MMEL1: variants seen among roughly 807,000 people sequenced by gnomAD.
MMEL1 encodes the protein membrane metallo-endopeptidase-like 1.
MMEL1 carries 98 observed loss-of-function variants against 117.1 expected under a neutral mutation model. The observed-to-expected ratio is 0.84, with a 90% CI of 0.71 to 0.99. The LOEUF is 0.99. Among genes scored for constraint, MMEL1 ranks in the 50% least tolerant of loss-of-function variants. The pLI, the probability that MMEL1 is intolerant of heterozygous loss-of-function variation, is 0.00. For synonymous variants in MMEL1, 390 were observed against 415.1 expected (o/e 0.94, Z 0.74); for missense variants, 1,014 against 1,049.1 (o/e 0.97, Z 0.46).
intron 11 of MMEL1, 43 bp from the exon 12 acceptor site, chr1:2,598,833 G>C: frequency 4.6e-6 from 7 of 1,520,650 alleles, no homozygotes; most frequent in African/African-American, 1.4e-5. Flanking sequence ...GAGAGAGAGA[G>C]GGAGAAACAG....
intron 9 of MMEL1, 60 bp downstream of exon 9, chr1:2,605,498 A>G: frequency 6.7e-7 from 1 of 1,488,438 alleles, no homozygotes; most frequent in South Asian, 1.2e-5. Context: ...CGGGAAGGCC[A>G]GACCACGGGG....
chr1:2,622,587 T>C (rs1034745950), intron 2 of MMEL1, among the ~76,000 whole-genome samples: 1 of 152,168 alleles, frequency 6.6e-6, no homozygotes, highest in African/African-American at 2.4e-5. Context: ...AAAAGTAAGA[T>C]AGAAACCAAA....
At chr1:2,604,122 T>TGCCCC in intron 10 of MMEL1, 25 bp downstream of exon 10, 158 of 1,357,406 alleles carry the variant, frequency 1.2e-4, no homozygotes, top group Middle Eastern at 3.9e-4. Context: ...CGCTGCCCGC[T>TGCCCC]CCCCACCCGC....
chr1:2,592,117 AGGACCTAC>A (rs1416056374), intron 21 of MMEL1, 90 bp from the exon 22 acceptor site: 53 of 1,090,302 alleles, frequency 4.9e-5, no homozygotes, highest in Non-Finnish European at 3.0e-5. Flanking sequence ...GTCTGGCTCC[AGGACCTAC>A]CCCTGTGGGG....
chr1:2,600,233 G>T (rs1010068834), intron 11 of MMEL1, among the ~76,000 whole-genome samples: 1 of 151,922 alleles, frequency 6.6e-6, no homozygotes, highest in Non-Finnish European at 1.5e-5. Context: ...CTCCCAAAGT[G>T]CTGGGATTAC....
chr1:2,611,395 C>A, intron 3 of MMEL1, 55 bp from the exon 4 acceptor site: 1 of 1,090,180 alleles, frequency 9.2e-7, no homozygotes. Flanking sequence ...TGGGGCAGGA[C>A]TGGAGTGGGT....
intron 1 of MMEL1, 144 bp downstream of exon 1, chr1:2,632,722 C>T (rs565270212): frequency 1.1e-4 from 37 of 332,022 alleles, no homozygotes; most frequent in African/African-American, 5.6e-4. Flanking sequence ...CTGGCACAGG[C>T]GAGACTGCAC....
chr1:2,615,191 G>C (rs959201025), intron 2 of MMEL1, among the ~76,000 whole-genome samples: 8 of 152,178 alleles, frequency 5.3e-5, no homozygotes, highest in African/African-American at 1.9e-4. Context: ...GCTGCACACA[G>C]TGGCTTCCTT....
intron 13 of MMEL1, 62 bp from the exon 14 acceptor site, chr1:2,596,751 G>A (rs1034321173): frequency 8.8e-6 from 14 of 1,595,352 alleles, no homozygotes; most frequent in African/African-American, 8.1e-5. Context: ...CCTGGCGTGG[G>A]GCCCTGGGCT....
intron 2 of MMEL1, among the ~76,000 whole-genome samples, chr1:2,626,051 C>T (rs1013900424): frequency 3.3e-5 from 5 of 152,172 alleles, no homozygotes; most frequent in South Asian, 2.1e-4. Flanking sequence ...TGAAGGACAG[C>T]GGTGAAGGGA....
In MMEL1 at chr1:2,609,006, A is replaced by T. The variant is rs1400804636; in HGVS notation, c.535+333T>A. Among the ~76,000 whole-genome samples, 3 of 151,844 alleles carry T rather than the reference A, an allele frequency of 2.0e-5. No homozygotes were observed. The East Asian group carries it at 5.8e-4, about 29-fold the overall frequency. ...ATATAAATGTATAATATGCATGCACATATATACACATACTCATATCCATAT... is the reference window on the plus strand; with the variant it reads ...ATATAAATGTATAATATGCATGCACTTATATACACATACTCATATCCATAT... On this transcript the variant is annotated intron_variant, in intron 6 of 23. Coordinates refer to ENST00000378412, the MANE Select transcript of MMEL1 (RefSeq NM_033467.4).
chr1:2,605,914 C>T lies in MMEL1; in HGVS notation c.751-291G>A, dbSNP rs1007161435. 2.6e-5 allele frequency among the ~76,000 whole-genome samples: 4 copies of T among 152,160 alleles called. No individual in the cohort carries two copies. The South Asian group carries it at 6.2e-4, about 24-fold the overall frequency. On this transcript the variant is annotated intron_variant, in intron 8 of 23. Coordinates refer to ENST00000378412, the MANE Select transcript of MMEL1 (RefSeq NM_033467.4). ...CCCAGAGTGGGGCGCGTATTTGTTTCGTGTGTTTCTCTTTGGCCTCCAGCC... is the reference window on the plus strand; with the variant it reads ...CCCAGAGTGGGGCGCGTATTTGTTTTGTGTGTTTCTCTTTGGCCTCCAGCC...
chr1:2,591,200 G>C (rs1644691644), intron 23 of MMEL1, 111 bp from the exon 24 acceptor site: 4 of 688,024 alleles, frequency 5.8e-6, no homozygotes, highest in Non-Finnish European at 9.5e-6. Flanking sequence ...AATGGCTCAT[G>C]TCAGTATGAG....
At chr1:2,621,907 G>A (rs537567532) in intron 2 of MMEL1, among the ~76,000 whole-genome samples, 1 of 152,246 alleles carries the variant, frequency 6.6e-6, no homozygotes, top group East Asian at 1.9e-4. Context: ...CCGAAAATGT[G>A]TAAATCCAGA....
chr1:2,623,711 G>A (rs989413577), intron 2 of MMEL1, among the ~76,000 whole-genome samples: 1 of 152,230 alleles, frequency 6.6e-6, no homozygotes, highest in Non-Finnish European at 1.5e-5. Context: ...AGATGCCGAT[G>A]AGAAAGGCTG....
At position 2,591,988 on chromosome 1, in the gene MMEL1, G is replaced by T. The variant is rs1001798727; in HGVS notation, c.2107C>A (p.Gln703Lys). The change falls in exon 22 of 24, where the codon CAG becomes AAG. Residue 703 changes from glutamine to lysine, a missense_variant. By Grantham distance (53) the Gln-to-Lys change is moderately conservative. Transcript: ENST00000378412. ...KWMAEGGKDQ[Q>K]LPGLDLTHEQ... ...TGGGTGAGATCCAGGCCGGGCAGCT[G>T]CTGGTCCTTGCCACCCTCTGCCATC... is the stretch of plus-strand genomic sequence containing the variant. 7 of 1,613,202 alleles carry T rather than the reference G, an allele frequency of 4.3e-6. No homozygotes were observed. The African/African-American group carries it at 6.7e-5, about 15-fold the overall frequency.
At position 2,594,460 on chromosome 1, in the gene MMEL1, G is replaced by A. The variant is rs374051777; in HGVS notation, c.1689-17C>T. 5.8e-6 allele frequency: 9 copies of A among 1,551,270 alleles called. No homozygotes were observed. The highest frequency in any genetic ancestry group is 1.4e-5 in the African/African-American group (1 of 73,048). The stretch of plus-strand genomic sequence containing the variant: ...ATGATCCAGCTGTGATAGACAAGCC[G>A]GTCTCTGGGAGCCGCCTCTCCGGGG... On this transcript the variant is annotated splice_polypyrimidine_tract_variant and intron_variant, in intron 17 of 23. Coordinates refer to ENST00000378412, the MANE Select transcript of MMEL1 (RefSeq NM_033467.4).
intron 22 of MMEL1, 32 bp from the exon 23 acceptor site, chr1:2,591,665 G>A (rs1436464185): frequency 1.3e-6 from 2 of 1,580,222 alleles, no homozygotes; most frequent in Non-Finnish European, 1.7e-6. Context: ...GGCTACAGGT[G>A]GCGTGGTGGG....
In MMEL1 at chr1:2,591,072, T is replaced by C; in HGVS notation, c.2258A>G (p.Gln753Arg). The C allele has an allele frequency of 6.2e-7, 1 of 1,603,548 alleles. No homozygotes were observed. The change falls in exon 24 of 24, where the codon CAG becomes CGG. Residue 753 changes from glutamine (Q) to arginine (R), a missense_variant. Gln to Arg is a conservative substitution (Grantham distance 43). Coordinates refer to ENST00000378412, the MANE Select transcript of MMEL1 (RefSeq NM_033467.4). ...PLKYRVLGSL[Q>R]NLAAFADTFH... ...CGTGTCTGCGAAGGCGGCCAGGTTC[T>C]GCAGCGACCCCAGTACCCTGTGGGT...
Sources: gnomAD v4.1 joint callset for allele counts (sites outside exome capture counted in the v4.1 genomes callset) on GRCh38, gnomAD v4.1.1 for gene constraint, MANE v1.5 for transcripts, NCBI Gene and HGNC (gene_info 2026-07-23, HGNC 2026-07-21) for gene names.